The following TAF2 variants were observed in gnomAD, a reference collection of about 807,000 sequenced individuals.
TAF2 encodes the protein TATA-box binding protein associated factor 2, also known as transcription initiation factor TFIID subunit 2.
TAF2 carries 61 observed loss-of-function variants against 138.5 expected under a neutral mutation model. The observed-to-expected ratio is 0.44, with a 90% CI of 0.36 to 0.54. The LOEUF (loss-of-function observed/expected upper bound fraction) is 0.54, where lower values mean the gene tolerates loss of function less well. Ranked by LOEUF, TAF2 falls within the 20% of genes least tolerant of loss-of-function variation. The probability of loss-of-function intolerance (pLI) is 0.00; values close to 1 mark genes in which losing one functional copy is unlikely to be tolerated. For synonymous variants in TAF2, 475 were observed against 469.9 expected (o/e 1.01, Z -0.14); for missense variants, 1,090 against 1,427.9 (o/e 0.76, Z 3.81).
At chr8:119,801,761 G>A (rs749229778) in intron 6 of TAF2, 33 bp downstream of exon 6, 5 of 1,587,056 alleles carry the variant, frequency 3.2e-6, no homozygotes, top group African/African-American at 2.7e-5. Flanking sequence ...TAAAGGGCCA[G>A]GAGGAGAGTA....
At chr8:119,740,339 G>C (rs1245049115) in intron 25 of TAF2, among the ~76,000 whole-genome samples, 2 of 151,788 alleles carry the variant, frequency 1.3e-5, no homozygotes, top group Non-Finnish European at 2.9e-5. Flanking sequence ...TTGTTGGCTA[G>C]TTTGGAAAAG....
Position 119,771,583 on chromosome 8 carries a change from T to C in TAF2, c.2364+6436A>G, listed in dbSNP as rs187080335. 1.4e-4 allele frequency among the ~76,000 whole-genome samples: 22 copies of C among 151,946 alleles called. No homozygotes were observed. In the East Asian group the frequency reaches 2.1e-3, roughly 15 times the overall value. ...GATAAAATAGACTTTAAACTGACAA[T>C]AGTAAAGAAAGAAAGAAGCAAAATG... On this transcript the variant is annotated intron_variant, in intron 18 of 25. Transcript: ENST00000378164.
Position 119,791,433 on chromosome 8 carries a change from A to C in TAF2, c.1304T>G (p.Ile435Arg). Residue 435 changes from isoleucine (I) to arginine (R), a missense_variant, in exon 11 of 26, where the codon ATA becomes AGA. By Grantham distance (97) the Ile-to-Arg change is moderately conservative (BLOSUM62 -3). This residue lies in a region of TAF2 where 504 missense variants were observed against 680.9 expected (regional missense o/e 0.74). Coordinates refer to ENST00000378164, the MANE Select transcript of TAF2 (RefSeq NM_003184.4). ...DNPASHLHFSIKHPHTLSWEY... is the reference protein window; with the variant it reads ...DNPASHLHFSRKHPHTLSWEY... Reference sequence around the variant, plus strand: ...CCAGGACAGTGTATGTGGATGCTTTATTGAAAAGTGTAGATGGGAAGCCGG... The same window carrying C: ...CCAGGACAGTGTATGTGGATGCTTTCTTGAAAAGTGTAGATGGGAAGCCGG... 5 of 1,613,764 alleles carry C rather than the reference A, an allele frequency of 3.1e-6. No individual in the cohort carries two copies. Among genetic ancestry groups the C allele is most frequent in the Non-Finnish European group, 4.2e-6 (5 of 1,179,810 alleles).
At position 119,830,037 on chromosome 8, in the gene TAF2, C is replaced by T. The variant is rs1362479597; in HGVS notation, c.138+1640G>A. The stretch of plus-strand genomic sequence containing the variant: ...CCTCAGCCTCCCGAGTAGCTGGGAC[C>T]ACAGGCACCCACCACCACAGCCGGC... On this transcript the variant is annotated intron_variant, in intron 2 of 25. Transcript: ENST00000378164. Among the ~76,000 whole-genome samples the T allele has an allele frequency of 1.9e-4, 29 of 151,520 alleles. 2 individuals are homozygous for T. Among genetic ancestry groups the T allele is most frequent in the Admixed American group, 1.5e-3 (23 of 15,184 alleles).
intron 2 of TAF2, among the ~76,000 whole-genome samples, chr8:119,826,154 T>A (rs12545479): frequency 0.27 from 41,017 of 151,316 alleles, 6,751 homozygotes; most frequent in Admixed American, 0.46. Flanking sequence ...AAGAAATACC[T>A]AATGTAGGTG....
chr8:119,741,861 C>T (rs1286992538), intron 25 of TAF2, among the ~76,000 whole-genome samples: 1 of 152,166 alleles, frequency 6.6e-6, no homozygotes, highest in African/African-American at 2.4e-5. Context: ...AGGACTGAAT[C>T]TTTGTTTCAC....
At position 119,785,188 on chromosome 8, in the gene TAF2, T is replaced by C. The variant is rs374273573; in HGVS notation, c.1859+13A>G. ...AAAGTATTATAACCTTATATTTAAG[T>C]TAACTAACTTACTCCATTGCAGAAA... On this transcript the variant is annotated intron_variant, in intron 15 of 25. Transcript: ENST00000378164. 120 of 1,604,318 alleles carry C rather than the reference T, an allele frequency of 7.5e-5. No homozygotes were observed. In the African/African-American group the frequency reaches 1.5e-3, roughly 20 times the overall value.
chr8:119,808,316 C>T (rs1364522673), intron 3 of TAF2, among the ~76,000 whole-genome samples: 3 of 152,192 alleles, frequency 2.0e-5, no homozygotes, highest in Admixed American at 6.5e-5. Context: ...GCAACTCCTC[C>T]GTCCATTAAA....
intron 16 of TAF2, among the ~76,000 whole-genome samples, chr8:119,782,607 T>C (rs1420419812): frequency 6.6e-6 from 1 of 152,192 alleles, no homozygotes; most frequent in Admixed American, 6.5e-5. Flanking sequence ...AATGAACCTA[T>C]TATCAAGTTT....
chr8:119,803,052 A>C (rs905936324), intron 5 of TAF2, among the ~76,000 whole-genome samples: 1 of 152,054 alleles, frequency 6.6e-6, no homozygotes, highest in Admixed American at 6.6e-5. Flanking sequence ...TGGGGATTGC[A>C]GTGAGCCAAG....
At chr8:119,736,680 G>A (rs1241360026) in intron 25 of TAF2, among the ~76,000 whole-genome samples, 1 of 152,118 alleles carries the variant, frequency 6.6e-6, no homozygotes, top group East Asian at 1.9e-4. Flanking sequence ...AAAAATGAAA[G>A]TATAAATTGA....
At chr8:119,752,906 G>A (rs1820449182) in intron 22 of TAF2, among the ~76,000 whole-genome samples, 1 of 152,062 alleles carries the variant, frequency 6.6e-6, no homozygotes, top group Non-Finnish European at 1.5e-5. Context: ...TCCAGATAAC[G>A]CTTATCTCAA....
intron 19 of TAF2, 87 bp from the exon 20 acceptor site, chr8:119,760,825 C>A (rs1222853797): frequency 1.9e-6 from 3 of 1,565,786 alleles, no homozygotes; most frequent in African/African-American, 2.7e-5. Context: ...TCCTTTGTGG[C>A]AATCAATTTA....
At chr8:119,749,261 T>C (rs1215953630) in intron 22 of TAF2, among the ~76,000 whole-genome samples, 1 of 152,162 alleles carries the variant, frequency 6.6e-6, no homozygotes, top group African/African-American at 2.4e-5. Context: ...ACTTTTTATT[T>C]CTATGTGGGC....
chr8:119,762,916 C>T, intron 18 of TAF2: 2 of 208,440 alleles, frequency 9.6e-6, no homozygotes, highest in Non-Finnish European at 1.9e-5. Context: ...AAGGAAGCCA[C>T]TAAAAAAAAA....
intron 2 of TAF2, among the ~76,000 whole-genome samples, chr8:119,825,453 T>A (rs796109251): frequency 2.8e-4 from 42 of 152,238 alleles, no homozygotes; most frequent in African/African-American, 9.6e-4. Flanking sequence ...TGAAATGAGT[T>A]AAGATTTTGG....
chr8:119,773,426 TTCTTACTCCCCAC>T (rs1166119680), intron 18 of TAF2, among the ~76,000 whole-genome samples: 3 of 151,574 alleles, frequency 2.0e-5, no homozygotes, highest in African/African-American at 7.2e-5. Flanking sequence ...TTTCTCCCCA[TTCTTACTCCCCAC>T]CATCCTCTCT....
chr8:119,810,220 C>T (rs1439240606), intron 3 of TAF2, among the ~76,000 whole-genome samples: 1 of 152,098 alleles, frequency 6.6e-6, no homozygotes, highest in Admixed American at 6.5e-5. Flanking sequence ...GTCCCTTATG[C>T]TATCCTTTGT....
At chr8:119,772,080 T>G (rs1821879141) in intron 18 of TAF2, among the ~76,000 whole-genome samples, 1 of 152,192 alleles carries the variant, frequency 6.6e-6, no homozygotes, top group African/African-American at 2.4e-5. Flanking sequence ...AACTTGATCC[T>G]GAATGACTTT....
Sources: gnomAD v4.1 joint callset for allele counts (sites outside exome capture counted in the v4.1 genomes callset) on GRCh38, gnomAD v4.1.1 for gene constraint, gnomAD v4.1.1 regional missense constraint, MANE v1.5 for transcripts, NCBI Gene and HGNC (gene_info 2026-07-23, HGNC 2026-07-21) for gene names.